Variants in ZBTB40 observed in about 807,000 individuals in gnomAD.
ZBTB40 encodes zinc finger and BTB domain-containing protein 40.
In ZBTB40, 60 loss-of-function variants were observed where a neutral mutation model predicts 117.5. The ratio of observed to expected loss-of-function variants is 0.51; its 90% CI spans 0.41 to 0.63. The LOEUF (loss-of-function observed/expected upper bound fraction) is 0.63, where lower values mean the gene tolerates loss of function less well. Among genes scored for constraint, ZBTB40 ranks in the 30% least tolerant of loss-of-function variants. The probability of loss-of-function intolerance (pLI) is 0.00; values close to 1 mark genes in which losing one functional copy is unlikely to be tolerated. For missense variants in ZBTB40, 1,287 were observed against 1,498.5 expected (o/e 0.86, Z 2.33); for synonymous variants, 525 against 577.1 (o/e 0.91, Z 1.29).
Position 22,509,162 on chromosome 1 carries a change from GCCAT to G in ZBTB40, c.1766_1769del (p.Ile589AsnfsTer20). ...GAGGCATAACCAGTTGATCTTGGAG[GCCAT>G]CCAACAGAAGATTGAGTACAAGCTC... On this transcript the variant is annotated frameshift_variant, in exon 9 of 18. Transcript: ENST00000375647. LOFTEE classifies it high-confidence loss of function. The G allele has an allele frequency of 1.2e-6, 2 of 1,614,106 alleles. No individual in the cohort carries two copies. Among genetic ancestry groups the G allele is most frequent in the Non-Finnish European group, 1.7e-6 (2 of 1,180,022 alleles).
intron 1 of ZBTB40, among the ~76,000 whole-genome samples, chr1:22,468,465 C>CTTTTTTTTTTT (rs555995462): frequency 1.9e-5 from 1 of 51,708 alleles, no homozygotes; most frequent in Non-Finnish European, 3.4e-5. Flanking sequence ...TTAATGTTTC[C>CTTTTTTTTTTT]TTTTTTTTTT....
At chr1:22,446,605 C>A (rs1557475287) in intron 1 of ZBTB40, among the ~76,000 whole-genome samples, 1 of 151,734 alleles carries the variant, frequency 6.6e-6, no homozygotes, top group Non-Finnish European at 1.5e-5. Flanking sequence ...AGAAACCTTG[C>A]AAGCAGAAGA....
intron 1 of ZBTB40, among the ~76,000 whole-genome samples, chr1:22,468,465 C>CTTTTTTTTTTTTTTTTTTTTTT (rs555995462): frequency 1.9e-5 from 1 of 51,708 alleles, no homozygotes; most frequent in Admixed American, 2.2e-4. Flanking sequence ...TTAATGTTTC[C>CTTTTTTTTTTTTTTTTTTTTTT]TTTTTTTTTT....
chr1:22,488,137 C>A lies in ZBTB40; in HGVS notation c.-69-1743C>A, dbSNP rs904616252. 3.3e-5 allele frequency among the ~76,000 whole-genome samples: 5 copies of A among 152,208 alleles called. No homozygotes were observed. In the South Asian group the frequency reaches 1.0e-3, roughly 32 times the overall value. On this transcript the variant is annotated intron_variant, in intron 1 of 17. Transcript: ENST00000375647. ...CTCCTGGACTCTCCTATCCCCCAAA[C>A]TGTGTTTGTGTGTACAAATCCATCA...
intron 17 of ZBTB40, 86 bp from the exon 18 acceptor site, chr1:22,526,116 C>T: frequency 6.7e-7 from 1 of 1,487,890 alleles, no homozygotes. Context: ...TAAATATCAT[C>T]ATTACAGCAT....
At chr1:22,509,378 G>GA in intron 9 of ZBTB40, 145 bp downstream of exon 9, 1 of 1,229,452 alleles carries the variant, frequency 8.1e-7, no homozygotes, top group Non-Finnish European at 1.1e-6. Flanking sequence ...ACAGAGTCTT[G>GA]CTCTGTCGCC....
chr1:22,517,592 C>T, intron 13 of ZBTB40, 128 bp downstream of exon 13: 1 of 1,128,030 alleles, frequency 8.9e-7, no homozygotes, highest in Non-Finnish European at 1.2e-6. Context: ...ACCTGTTCCG[C>T]TGCAAAACCC....
chr1:22,481,310 T>G (rs1638304574), intron 1 of ZBTB40, among the ~76,000 whole-genome samples: 1 of 152,202 alleles, frequency 6.6e-6, no homozygotes, highest in African/African-American at 2.4e-5. Flanking sequence ...ATTTTCAATT[T>G]TAGACATTGC....
At chr1:22,482,173 T>C (rs2124419490) in intron 1 of ZBTB40, among the ~76,000 whole-genome samples, 1 of 152,304 alleles carries the variant, frequency 6.6e-6, no homozygotes. Context: ...GTAGACATTC[T>C]TAAAGATTTT....
chr1:22,507,648 G>A (rs1639106321), intron 6 of ZBTB40, among the ~76,000 whole-genome samples: 1 of 152,260 alleles, frequency 6.6e-6, no homozygotes, highest in Non-Finnish European at 1.5e-5. Flanking sequence ...CTTTAGGATC[G>A]CCACACGGAT....
rs529128225 is a variant in ZBTB40 at position 22,492,582 on chromosome 1, T to C, written c.831+1049T>C. ...GTGTGGGCCGATCCTCCCATGTTGC[T>C]ATAGGCAATTTTGTATTAGTCCAAG... is the stretch of plus-strand genomic sequence containing the variant. On this transcript the variant is annotated intron_variant, in intron 3 of 17. Coordinates refer to ENST00000375647, the MANE Select transcript of ZBTB40 (RefSeq NM_014870.4). Among the ~76,000 whole-genome samples the C allele has an allele frequency of 5.3e-5, 8 of 152,360 alleles. No individual in the cohort carries two copies. The East Asian group carries it at 1.5e-3, about 29-fold the overall frequency.
intron 16 of ZBTB40, 133 bp from the exon 17 acceptor site, chr1:22,524,085 C>T: frequency 1.2e-6 from 1 of 849,954 alleles, no homozygotes; most frequent in Admixed American, 2.0e-5. Flanking sequence ...GTTCGTGTCC[C>T]ACAAAATGTG....
chr1:22,450,346 G>C (rs1486058226), upstream of ZBTB40, among the ~76,000 whole-genome samples: 1 of 152,220 alleles, frequency 6.6e-6, no homozygotes, highest in Admixed American at 6.5e-5. Context: ...CACTAAAAGA[G>C]AATGTGAGGC....
Position 22,509,232 on chromosome 1 carries a change from A to G in ZBTB40, c.1832A>G (p.Glu611Gly). 1 of 1,614,170 alleles carries G rather than the reference A, an allele frequency of 6.2e-7. No individual in the cohort carries two copies. The highest frequency in any genetic ancestry group is 8.5e-7 in the Non-Finnish European group (1 of 1,180,024). Reference sequence around the variant, plus strand: ...GAGCACCTGGCAGAGACTGTGAAAGAGGTGTGGTGGGAATAAAAAGCGAAA... The same window carrying G: ...GAGCACCTGGCAGAGACTGTGAAAGGGGTGTGGTGGGAATAAAAAGCGAAA... ...EEEHLAETVK[E>G]ILSIPSETAS... The change falls in exon 9 of 18, where the codon GAG becomes GGG. Residue 611 changes from glutamate to glycine, a missense_variant and splice_region_variant. Glu to Gly is a moderately conservative substitution (Grantham distance 98). This residue lies in a region of ZBTB40 where 870 missense variants were observed against 934.4 expected (regional missense o/e 0.93). Transcript: ENST00000375647.
At chr1:22,429,921 G>A (rs143169974) in intron 1 of ZBTB40, among the ~76,000 whole-genome samples, 74 of 152,238 alleles carry the variant, frequency 4.9e-4, no homozygotes, top group African/African-American at 1.7e-3. Context: ...CTTGAACCCC[G>A]GGAGGCGGAG....
chr1:22,433,156 G>A (rs1398424939), intron 1 of ZBTB40, among the ~76,000 whole-genome samples: 4 of 151,900 alleles, frequency 2.6e-5, no homozygotes, highest in Non-Finnish European at 4.4e-5. Context: ...CAGCTAGGCC[G>A]GGTGTGGTGG....
intron 12 of ZBTB40, among the ~76,000 whole-genome samples, chr1:22,515,963 A>G (rs1421518101): frequency 6.6e-6 from 1 of 152,212 alleles, no homozygotes; most frequent in African/African-American, 2.4e-5. Flanking sequence ...TAGAGGTGAT[A>G]TAGTTTTCAA....
At chr1:22,511,390 C>G in intron 10 of ZBTB40, 43 bp downstream of exon 10, 1 of 1,608,704 alleles carries the variant, frequency 6.2e-7, no homozygotes, top group Non-Finnish European at 8.5e-7. Context: ...TATCAGCACA[C>G]CAGGTTGTTT....
At chr1:22,443,049 C>T (rs1250524072) in intron 1 of ZBTB40, among the ~76,000 whole-genome samples, 1 of 152,142 alleles carries the variant, frequency 6.6e-6, no homozygotes, top group Non-Finnish European at 1.5e-5. Flanking sequence ...GAAAAATCTC[C>T]TGATGCTTCC....
Sources: allele counts gnomAD v4.1 joint callset (sites outside exome capture counted in the v4.1 genomes callset), GRCh38; gene constraint gnomAD v4.1.1; regional missense constraint gnomAD v4.1.1; transcripts MANE v1.5; gene names NCBI Gene and HGNC (gene_info 2026-07-23, HGNC 2026-07-21).